The following CAMK2D variants were observed in gnomAD, a reference collection of about 807,000 sequenced individuals.
CAMK2D encodes calcium/calmodulin-dependent protein kinase type II subunit delta.
CAMK2D carries 37 observed loss-of-function variants against 84.0 expected under a neutral mutation model. The observed-to-expected ratio is 0.44, with a 90% CI of 0.34 to 0.58. The LOEUF (loss-of-function observed/expected upper bound fraction) is 0.58. Ranked by LOEUF, CAMK2D falls within the 20% of genes least tolerant of loss-of-function variation. CAMK2D has a pLI of 0.02. For synonymous variants in CAMK2D, 202 were observed against 212.5 expected, an observed-to-expected ratio of 0.95 and a Z score of 0.43; for missense variants, 448 against 652.5, an observed-to-expected ratio of 0.69 and a Z score of 3.41.
intron 2 of CAMK2D, among the ~76,000 whole-genome samples, chr4:113,746,787 G>A (rs2099605039): frequency 6.6e-6 from 1 of 151,658 alleles, no homozygotes; most frequent in Admixed American, 6.6e-5. Flanking sequence ...GAAATCAGGA[G>A]ATCTACATTT....
intron 3 of CAMK2D, among the ~76,000 whole-genome samples, chr4:113,656,936 C>A (rs114276753): frequency 1.3e-5 from 2 of 152,118 alleles, no homozygotes; most frequent in African/African-American, 4.8e-5. Context: ...AAGAATCCTA[C>A]GAAGTGATTT....
At chr4:113,666,322 C>G (rs914616894) in intron 2 of CAMK2D, among the ~76,000 whole-genome samples, 1 of 152,176 alleles carries the variant, frequency 6.6e-6, no homozygotes, top group Non-Finnish European at 1.5e-5. Flanking sequence ...GGGGGAAGAT[C>G]TAACAGTCAT....
chr4:113,531,419 C>T (rs2098457351), intron 7 of CAMK2D, 120 bp from the exon 8 acceptor site: 1 of 665,174 alleles, frequency 1.5e-6, no homozygotes, highest in Non-Finnish European at 2.7e-6. Context: ...CAAAACACAA[C>T]AAGGTTCTCA....
chr4:113,704,366 A>T (rs2099434128), intron 2 of CAMK2D, among the ~76,000 whole-genome samples: 2 of 152,030 alleles, frequency 1.3e-5, no homozygotes, highest in South Asian at 4.1e-4. Context: ...TACTAAAAAA[A>T]TTGACTTTAT....
At chr4:113,525,671 T>C (rs1019999628) in intron 8 of CAMK2D, among the ~76,000 whole-genome samples, 3 of 152,206 alleles carry the variant, frequency 2.0e-5, no homozygotes, top group African/African-American at 7.2e-5. Flanking sequence ...CAGGCTTGTT[T>C]TAGTCATTAT....
At chr4:113,597,127 A>C (rs922372676) in intron 4 of CAMK2D, among the ~76,000 whole-genome samples, 6 of 151,988 alleles carry the variant, frequency 3.9e-5, no homozygotes, top group African/African-American at 1.4e-4. Flanking sequence ...CGGGTCCTAA[A>C]ATTTTTGGAA....
intron 4 of CAMK2D, among the ~76,000 whole-genome samples, chr4:113,565,310 T>C (rs2098717278): frequency 6.6e-6 from 1 of 152,040 alleles, no homozygotes; most frequent in African/African-American, 2.4e-5. Flanking sequence ...GTACAATACC[T>C]CTCTATTTTG....
chr4:113,602,393 T>C (rs1473903710), intron 4 of CAMK2D, among the ~76,000 whole-genome samples: 1 of 152,150 alleles, frequency 6.6e-6, no homozygotes, highest in Non-Finnish European at 1.5e-5. Flanking sequence ...CTGAAGGCAA[T>C]TGTGAAGAAG....
chr4:113,749,661 G>T (rs1012805964), intron 2 of CAMK2D, among the ~76,000 whole-genome samples: 13 of 152,100 alleles, frequency 8.5e-5, no homozygotes, highest in African/African-American at 2.7e-4. Context: ...TTATTAAAGT[G>T]GTGCTGATGG....
chr4:113,716,649 C>CAAAAAAAAAAAAAAAAAAA (rs397750449), intron 2 of CAMK2D, among the ~76,000 whole-genome samples: 1 of 76,176 alleles, frequency 1.3e-5, no homozygotes, highest in Non-Finnish European at 2.4e-5. Flanking sequence ...AGACTCCATC[C>CAAAAAAAAAAAAAAAAAAA]AAAAAAAAAA....
At chr4:113,755,087 C>G (rs1433920817) in intron 2 of CAMK2D, 4 of 984,396 alleles carry the variant, frequency 4.1e-6, no homozygotes, top group Non-Finnish European at 4.8e-6. Flanking sequence ...ACTTTCTTGA[C>G]TGCCTGGAAG....
chr4:113,599,211 C>T (rs2098941041), intron 4 of CAMK2D, among the ~76,000 whole-genome samples: 1 of 152,110 alleles, frequency 6.6e-6, no homozygotes. Flanking sequence ...CAGTATGGAG[C>T]AACAGGAACT....
intron 2 of CAMK2D, chr4:113,753,770 T>G: frequency 1.5e-5 from 15 of 975,588 alleles, no homozygotes; most frequent in Non-Finnish European, 1.8e-5. Context: ...AAATCATTTA[T>G]TTAGACTTTT....
At chr4:113,650,104 C>G (rs970625501) in intron 3 of CAMK2D, among the ~76,000 whole-genome samples, 2 of 151,988 alleles carry the variant, frequency 1.3e-5, no homozygotes, top group African/African-American at 4.8e-5. Context: ...AAATAGGAGA[C>G]AACTTCCAAA....
chr4:113,467,333 T>C (rs1450618861), intron 16 of CAMK2D, among the ~76,000 whole-genome samples: 1 of 152,180 alleles, frequency 6.6e-6, no homozygotes, highest in Non-Finnish European at 1.5e-5. Flanking sequence ...AACCACAAGC[T>C]TAAATGCTTA....
intron 3 of CAMK2D, among the ~76,000 whole-genome samples, chr4:113,623,383 T>TAC (rs144980152): frequency 0.11 from 16,005 of 150,552 alleles, 959 homozygotes; most frequent in Non-Finnish European, 0.14. Flanking sequence ...GATGTGTATA[T>TAC]ACACACACAC....
intron 16 of CAMK2D, among the ~76,000 whole-genome samples, chr4:113,485,846 C>A (rs1027475178): frequency 6.6e-6 from 1 of 152,202 alleles, no homozygotes; most frequent in African/African-American, 2.4e-5. Flanking sequence ...GCATTTCATT[C>A]TTCAGTAATA....
chr4:113,638,245 G>A (rs2099117723), intron 3 of CAMK2D, among the ~76,000 whole-genome samples: 1 of 152,052 alleles, frequency 6.6e-6, no homozygotes, highest in South Asian at 2.1e-4. Context: ...CACAGAAACA[G>A]CTCTGACTAG....
chr4:113,584,848 TC>T (rs1348818867), intron 4 of CAMK2D, among the ~76,000 whole-genome samples: 1 of 152,192 alleles, frequency 6.6e-6, no homozygotes, highest in East Asian at 1.9e-4. Context: ...ATGATGCCTA[TC>T]TTTTATCTTA....
Sources: gnomAD v4.1 joint callset for allele counts (sites outside exome capture counted in the v4.1 genomes callset) on GRCh38, gnomAD v4.1.1 for gene constraint, MANE v1.5 for transcripts, NCBI Gene and HGNC (gene_info 2026-07-23, HGNC 2026-07-21) for gene names.